The following LITAF variants were observed in gnomAD, a reference collection of about 807,000 sequenced individuals.
LITAF encodes lipopolysaccharide-induced tumor necrosis factor-alpha factor.
LITAF carries 9 observed loss-of-function variants against 14.5 expected under a neutral mutation model. The ratio of observed to expected loss-of-function variants is 0.62; its 90% CI spans 0.37 to 1.08. LITAF has a LOEUF of 1.08. Among genes scored for constraint, LITAF ranks in the 50% least tolerant of loss-of-function variants. The pLI is 0.01. For synonymous variants in LITAF, 98 were observed against 88.2 expected, an observed-to-expected ratio of 1.11 and a Z score of -0.62; for missense variants, 206 against 213.4, an observed-to-expected ratio of 0.97 and a Z score of 0.22.
rs184902781 is a variant in LITAF at position 11,558,483 on chromosome 16, G to C, written c.-5-1748C>G. Among the ~76,000 whole-genome samples the C allele has an allele frequency of 3.5e-4, 53 of 152,298 alleles. No individual in the cohort carries two copies. The East Asian group carries it at 9.8e-3, about 28-fold the overall frequency. ...AGTACTTTGGGAGGTTGAGGCAGGA[G>C]GATCACTTGAGCCCAGGAATTCACC... On this transcript the variant is annotated intron_variant, in intron 1 of 3. Transcript: ENST00000622633. The surrounding 1 kb of genome is among the most constrained non-coding windows in gnomAD (Gnocchi z 4.1).
At chr16:11,620,479 C>T (rs1440852862) in intron 3 of LITAF, among the ~76,000 whole-genome samples, 2 of 152,150 alleles carry the variant, frequency 1.3e-5, no homozygotes, top group Non-Finnish European at 2.9e-5. Flanking sequence ...ATGCCAGCAC[C>T]ATACTTCCTG....
rs776625639 is a variant in LITAF at position 11,553,256 on chromosome 16, TA to T, written c.377+276del. On this transcript the variant is annotated intron_variant, in intron 3 of 3. Transcript: ENST00000622633. This position sits in a 1 kb window ranked among gnomAD's most constrained non-coding sequence, Gnocchi z 7.7. ...CAAGATGGTGAAATGCCAGCTCTAC[TA>T]AAAATAAGCTGGGCGTGGTTGTGCA... Among the ~76,000 whole-genome samples, 2 of 151,802 alleles carry T rather than the reference TA, an allele frequency of 1.3e-5. No homozygotes were observed. The highest frequency in any genetic ancestry group is 2.9e-5 in the Non-Finnish European group (2 of 67,972).
intron 1 of LITAF, among the ~76,000 whole-genome samples, chr16:11,561,931 A>C (rs1359806974): frequency 6.6e-6 from 1 of 151,660 alleles, no homozygotes; most frequent in Non-Finnish European, 1.5e-5. Flanking sequence ...GGGAGAAAGA[A>C]AGAGAGAAAC....
chr16:11,587,467 T>C (rs1354490069), upstream of LITAF: 1 of 453,822 alleles, frequency 2.2e-6, no homozygotes, highest in Non-Finnish European at 4.4e-6. Context: ...ACCCATCCTC[T>C]CTGAGCTCGG....
At chr16:11,588,075 A>G (rs949388921), upstream of LITAF, among the ~76,000 whole-genome samples, 2 of 152,090 alleles carry the variant, frequency 1.3e-5, no homozygotes, top group African/African-American at 4.8e-5. Context: ...ACCTTGCGCC[A>G]TGTCCACTGA....
chr16:11,592,591 A>G (rs1029816156), intron 1 of LITAF, among the ~76,000 whole-genome samples: 1 of 151,384 alleles, frequency 6.6e-6, no homozygotes, highest in Non-Finnish European at 1.5e-5. Flanking sequence ...AAAAAAAAAA[A>G]GGGCAAAGGA....
chr16:11,597,784 G>A (rs985511363), intron 1 of LITAF, among the ~76,000 whole-genome samples: 1 of 152,184 alleles, frequency 6.6e-6, no homozygotes, highest in African/African-American at 2.4e-5. Context: ...CTGAAGGAGA[G>A]CCCTCTGCCT....
At chr16:11,562,927 A>C (rs2064392696) in intron 1 of LITAF, among the ~76,000 whole-genome samples, 1 of 151,446 alleles carries the variant, frequency 6.6e-6, no homozygotes, top group Non-Finnish European at 1.5e-5. Flanking sequence ...AGAGTCACAA[A>C]ATCATATATA....
intron 1 of LITAF, among the ~76,000 whole-genome samples, chr16:11,573,905 T>A (rs543242683): frequency 2.0e-5 from 3 of 151,958 alleles, no homozygotes; most frequent in African/African-American, 4.8e-5. Context: ...TTTCACCACG[T>A]TGGCCAGGCT....
At chr16:11,611,004 A>T (rs548296483) in intron 3 of LITAF, among the ~76,000 whole-genome samples, 1 of 152,134 alleles carries the variant, frequency 6.6e-6, no homozygotes, top group South Asian at 2.1e-4. Flanking sequence ...AAAGTCAAGG[A>T]GAAGGCGCCT....
intron 1 of LITAF, among the ~76,000 whole-genome samples, chr16:11,579,113 C>T (rs1212967728): frequency 1.3e-5 from 2 of 151,842 alleles, no homozygotes; most frequent in East Asian, 1.9e-4. Context: ...TGCTTGAACC[C>T]GGGAGGCCAA....
rs112776856 is a variant in LITAF at position 11,578,874 on chromosome 16, G to A, written c.-6+8012C>T. Among the ~76,000 whole-genome samples the A allele has an allele frequency of 8.0e-3, 1,217 of 152,298 alleles. 19 individuals are homozygous for A. Among genetic ancestry groups the A allele is most frequent in the African/African-American group, 0.028 (1,148 of 41,566 alleles). On this transcript the variant is annotated intron_variant, in intron 1 of 3. Coordinates refer to ENST00000622633, the MANE Select transcript of LITAF (RefSeq NM_001136472.2). ...CTGAGAAACTAACATAGCCAGGGTG[G>A]CTGAGGAGACAAGATGACTAAATGC...
chr16:11,561,868 C>G (rs1404259310), intron 1 of LITAF, among the ~76,000 whole-genome samples: 1 of 149,936 alleles, frequency 6.7e-6, no homozygotes, highest in East Asian at 2.0e-4. Flanking sequence ...CCCCCTCACC[C>G]TAAACTCACA....
intron 3 of LITAF, among the ~76,000 whole-genome samples, chr16:11,630,771 A>G (rs183826720): frequency 9.2e-5 from 14 of 151,648 alleles, no homozygotes; most frequent in Non-Finnish European, 1.3e-4. Context: ...TTTTTTCTAG[A>G]GACAGGGGTC....
rs987215910 is a variant in LITAF at position 11,572,089 on chromosome 16, A to AAAAT, written c.-6+14793_-6+14796dup. 2.2e-4 allele frequency among the ~76,000 whole-genome samples: 33 copies of AAAAT among 152,182 alleles called. No individual in the cohort carries two copies. In the East Asian group the frequency reaches 5.8e-3, roughly 27 times the overall value. On this transcript the variant is annotated intron_variant, in intron 1 of 3. Transcript: ENST00000622633. ...GGGTGAAAGAGCAAGACCCTATCTC[A>AAAAT]AAATAAATAAATAAATAAACAAACA...
At chr16:11,593,162 C>T (rs2064858158) in intron 1 of LITAF, among the ~76,000 whole-genome samples, 1 of 151,498 alleles carries the variant, frequency 6.6e-6, no homozygotes, top group Admixed American at 6.6e-5. Context: ...CAGAGTGAAA[C>T]TCTGTCTCAA....
chr16:11,566,290 A>C (rs966229930), intron 1 of LITAF, among the ~76,000 whole-genome samples: 2 of 152,158 alleles, frequency 1.3e-5, no homozygotes, highest in Admixed American at 1.3e-4. Context: ...AGGGTGACCC[A>C]ATGTCCCAGT....
At chr16:11,613,503 C>T (rs983700881) in intron 3 of LITAF, among the ~76,000 whole-genome samples, 2 of 152,198 alleles carry the variant, frequency 1.3e-5, no homozygotes, top group East Asian at 1.9e-4. Flanking sequence ...TGCCCCACCT[C>T]GAAGACATCG....
At chr16:11,618,849 G>C (rs2065032738) in intron 3 of LITAF, among the ~76,000 whole-genome samples, 1 of 152,054 alleles carries the variant, frequency 6.6e-6, no homozygotes, top group Non-Finnish European at 1.5e-5. Flanking sequence ...CGGGCGTGGT[G>C]GTGGGTGCCT....
Sources: allele counts gnomAD v4.1 joint callset (sites outside exome capture counted in the v4.1 genomes callset), GRCh38; gene constraint gnomAD v4.1.1; non-coding constraint Gnocchi (gnomAD v3.1); transcripts MANE v1.5; gene names NCBI Gene and HGNC (gene_info 2026-07-23, HGNC 2026-07-21).